The following MAGI1 variants were observed in gnomAD, a reference collection of about 807,000 sequenced individuals.
The protein encoded by MAGI1 is membrane associated guanylate kinase, WW and PDZ domain containing 1.
A neutral mutation model predicts 139.9 loss-of-function variants in MAGI1; 58 were observed. That is an observed-to-expected ratio of 0.41 (90% CI 0.34 to 0.52). The LOEUF is 0.52. MAGI1 is among the 20% of genes least tolerant of loss of function. The pLI, the probability that MAGI1 is intolerant of heterozygous loss-of-function variation, is 0.12. For missense variants in MAGI1, 1,874 were observed against 1,901.6 expected (o/e 0.99, Z 0.27); for synonymous variants, 812 against 737.9 (o/e 1.10, Z -1.63).
intron 1 of MAGI1, among the ~76,000 whole-genome samples, chr3:66,034,248 T>C (rs1249693250): frequency 6.8e-6 from 1 of 146,782 alleles, no homozygotes; most frequent in East Asian, 2.2e-4. Context: ...CAGGTTACTA[T>C]ACTAATGCCA....
At chr3:65,920,165 C>T (rs142812352) in intron 1 of MAGI1, among the ~76,000 whole-genome samples, 66 of 152,300 alleles carry the variant, frequency 4.3e-4, no homozygotes, top group African/African-American at 1.5e-3. Flanking sequence ...AGGGCCCACA[C>T]AGAATCTGGC....
intron 2 of MAGI1, among the ~76,000 whole-genome samples, chr3:65,509,326 T>C (rs1398184728): frequency 6.6e-6 from 1 of 152,180 alleles, no homozygotes; most frequent in African/African-American, 2.4e-5. Context: ...TAGGAACAGC[T>C]CCGGTCTACA....
At chr3:65,477,712 T>TTA (rs72137110) in intron 4 of MAGI1, among the ~76,000 whole-genome samples, 6,179 of 88,546 alleles carry the variant, frequency 0.07, 144 homozygotes, top group Admixed American at 0.11. Context: ...ATTATTATTA[T>TTA]TTTTTTTTTT....
chr3:65,926,642 A>G (rs562039691), intron 1 of MAGI1, among the ~76,000 whole-genome samples: 2 of 152,054 alleles, frequency 1.3e-5, no homozygotes, highest in South Asian at 4.2e-4. Context: ...TCACTGCTAC[A>G]CTCCCACCAG....
chr3:65,902,227 C>G (rs2061259663), intron 1 of MAGI1, among the ~76,000 whole-genome samples: 1 of 152,186 alleles, frequency 6.6e-6, no homozygotes. Flanking sequence ...AGAAAACTCT[C>G]ACATCGCAAT....
At chr3:65,619,107 G>C (rs2083529121) in intron 2 of MAGI1, among the ~76,000 whole-genome samples, 1 of 152,158 alleles carries the variant, frequency 6.6e-6, no homozygotes, top group African/African-American at 2.4e-5. Flanking sequence ...ACTTTAAACA[G>C]GTAAGTTGTA....
chr3:65,911,269 T>C (rs1284915092), intron 1 of MAGI1, among the ~76,000 whole-genome samples: 1 of 151,992 alleles, frequency 6.6e-6, no homozygotes, highest in Non-Finnish European at 1.5e-5. Context: ...TTAGACATTT[T>C]ACTCAAACTG....
chr3:65,409,643 T>TC (rs370207628), intron 12 of MAGI1, among the ~76,000 whole-genome samples: 2 of 151,922 alleles, frequency 1.3e-5, no homozygotes, highest in Non-Finnish European at 2.9e-5. Flanking sequence ...ATTTTTTTTT[T>TC]CTCCTTCTTC....
At chr3:65,608,189 C>A (rs1467018174) in intron 2 of MAGI1, among the ~76,000 whole-genome samples, 1 of 152,112 alleles carries the variant, frequency 6.6e-6, no homozygotes, top group East Asian at 1.9e-4. Context: ...TGCCTGCAAT[C>A]CCAGCACTTT....
At chr3:65,410,178 G>A (rs900065605) in intron 12 of MAGI1, among the ~76,000 whole-genome samples, 1 of 152,198 alleles carries the variant, frequency 6.6e-6, no homozygotes, top group African/African-American at 2.4e-5. Context: ...CAGAGAAGGT[G>A]TCATTGAAAT....
intron 1 of MAGI1, among the ~76,000 whole-genome samples, chr3:65,738,134 G>A (rs1210604356): frequency 1.3e-5 from 2 of 152,176 alleles, no homozygotes; most frequent in African/African-American, 4.8e-5. Flanking sequence ...AATATCCTCA[G>A]AGAATACTTA....
intron 1 of MAGI1, among the ~76,000 whole-genome samples, chr3:65,992,524 G>T (rs2107369528): frequency 6.6e-6 from 1 of 152,254 alleles, no homozygotes; most frequent in East Asian, 1.9e-4. Flanking sequence ...CCAACACTCT[G>T]CTTCCCTTCA....
chr3:65,429,499 G>T, intron 12 of MAGI1, 21 bp downstream of exon 12: 1 of 1,563,338 alleles, frequency 6.4e-7, no homozygotes, highest in Non-Finnish European at 8.6e-7. Context: ...AAAATTCAAA[G>T]AACAAAACAA....
chr3:65,359,659 G>A (rs1268970350), intron 22 of MAGI1: 2 of 988,154 alleles, frequency 2.0e-6, no homozygotes, highest in Non-Finnish European at 2.4e-6. Flanking sequence ...CTAATCAATG[G>A]AATTAGAGAG....
rs139017628 is a variant in MAGI1, at chr3:65,430,094, T to C, written c.1593A>G (p.Thr531=). The C allele has an allele frequency of 1.2e-4, 197 of 1,613,634 alleles. No individual in the cohort carries two copies. The highest frequency in any genetic ancestry group is 1.5e-4 in the Non-Finnish European group (181 of 1,179,810). The change falls in exon 12 of 23, where the codon ACA becomes ACG. Residue 531 remains threonine, a synonymous_variant. Coordinates refer to ENST00000402939, the MANE Select transcript of MAGI1 (RefSeq NM_001033057.2). Reference sequence around the variant, plus strand: ...GGAAGATCTTCACAACTTGAGCATGTGTGTGTCCCAAAACACAGGTGTCAT... The same window carrying C: ...GGAAGATCTTCACAACTTGAGCATGCGTGTGTCCCAAAACACAGGTGTCAT... ...SVNDTCVLGH[T]HAQVVKIFQS...
intron 3 of MAGI1, among the ~76,000 whole-genome samples, chr3:65,483,662 T>C (rs766029806): frequency 4.6e-5 from 7 of 152,208 alleles, no homozygotes; most frequent in African/African-American, 7.2e-5. Context: ...TTTCCTGCAG[T>C]GGCTGGGCTC....
rs558199780 is a variant in MAGI1 at position 65,939,149 on chromosome 3, T to A, written c.313+98847A>T. Among the ~76,000 whole-genome samples the A allele has an allele frequency of 3.9e-5, 6 of 152,332 alleles. No individual in the cohort carries two copies. In the East Asian group the frequency reaches 7.7e-4, roughly 20 times the overall value. ...ATTATGCATTAAATGGGCTACTAAGTCATCAATGAAATAAATTCTTTTGAA... is the reference window on the plus strand; with the variant it reads ...ATTATGCATTAAATGGGCTACTAAGACATCAATGAAATAAATTCTTTTGAA... On this transcript the variant is annotated intron_variant, in intron 1 of 22. Coordinates refer to ENST00000402939, the MANE Select transcript of MAGI1 (RefSeq NM_001033057.2).
chr3:65,521,993 A>G (rs1048938671), intron 2 of MAGI1, among the ~76,000 whole-genome samples: 2 of 152,194 alleles, frequency 1.3e-5, no homozygotes, highest in Non-Finnish European at 2.9e-5. Context: ...AATCTCTATT[A>G]TAACAGAAAA....
chr3:65,390,915 C>T (rs1440901493), intron 14 of MAGI1, among the ~76,000 whole-genome samples: 17 of 152,146 alleles, frequency 1.1e-4, no homozygotes, highest in Non-Finnish European at 2.1e-4. Flanking sequence ...TTACCCAGGG[C>T]ATTTATGTGA....
Sources: gnomAD v4.1 joint callset for allele counts (sites outside exome capture counted in the v4.1 genomes callset) on GRCh38, gnomAD v4.1.1 for gene constraint, MANE v1.5 for transcripts, NCBI Gene and HGNC (gene_info 2026-07-23, HGNC 2026-07-21) for gene names.